COP1: variants seen among roughly 807,000 people sequenced by gnomAD.
The protein encoded by COP1 is E3 ubiquitin-protein ligase COP1.
COP1 carries 24 observed loss-of-function variants against 101.3 expected under a neutral mutation model. The ratio of observed to expected loss-of-function variants is 0.24; its 90% CI spans 0.17 to 0.33. The LOEUF is 0.33. Ranked by LOEUF, COP1 falls within the 10% of genes least tolerant of loss-of-function variation. COP1 has a pLI of 1.00. For synonymous variants in COP1, 347 were observed against 341.9 expected (o/e 1.01, Z -0.17); for missense variants, 663 against 906.2 (o/e 0.73, Z 3.45).
chr1:176,201,771 G>A (rs1478037343), intron 1 of COP1, among the ~76,000 whole-genome samples: 1 of 152,130 alleles, frequency 6.6e-6, no homozygotes, highest in Non-Finnish European at 1.5e-5. Context: ...AGTACCAATA[G>A]GTCTGATAAA....
chr1:175,998,057 T>A (rs1571522234), intron 15 of COP1, among the ~76,000 whole-genome samples: 23 of 74,560 alleles, frequency 3.1e-4, no homozygotes, highest in South Asian at 5.3e-4. Context: ...AAACTTAGAG[T>A]ATAATTAAAA....
At chr1:176,177,979 A>G (rs1227847463) in intron 2 of COP1, among the ~76,000 whole-genome samples, 1 of 152,166 alleles carries the variant, frequency 6.6e-6, no homozygotes, top group African/African-American at 2.4e-5. Context: ...CGGATATGCA[A>G]ATATCTACTG....
At chr1:175,999,560 C>A (rs148112704) in intron 15 of COP1, among the ~76,000 whole-genome samples, 5 of 151,988 alleles carry the variant, frequency 3.3e-5, no homozygotes, top group Admixed American at 2.0e-4. Context: ...CGAACAGTGC[C>A]GCAAAAAACA....
At chr1:176,145,241 G>A (rs892820225) in intron 6 of COP1, among the ~76,000 whole-genome samples, 1 of 151,984 alleles carries the variant, frequency 6.6e-6, no homozygotes, top group Non-Finnish European at 1.5e-5. Flanking sequence ...AATCAATGTA[G>A]TACTAGGTGC....
intron 18 of COP1, among the ~76,000 whole-genome samples, chr1:175,972,681 G>A (rs370982543): frequency 6.6e-6 from 1 of 151,854 alleles, no homozygotes; most frequent in South Asian, 2.1e-4. Context: ...GGCCAGGCTG[G>A]TCTCAAATCC....
At chr1:175,957,012 A>G (rs1650736679) in intron 18 of COP1, among the ~76,000 whole-genome samples, 1 of 152,192 alleles carries the variant, frequency 6.6e-6, no homozygotes, top group African/African-American at 2.4e-5. Flanking sequence ...ATAAGGAAAA[A>G]TCTGTACAGC....
chr1:176,103,562 T>A (rs1458258020), intron 9 of COP1, among the ~76,000 whole-genome samples: 1 of 152,124 alleles, frequency 6.6e-6, no homozygotes, highest in African/African-American at 2.4e-5. Flanking sequence ...AATCTGAAAA[T>A]CCAAAGTCCA....
intron 15 of COP1, among the ~76,000 whole-genome samples, chr1:176,017,925 C>T (rs546126169): frequency 6.6e-6 from 1 of 152,314 alleles, no homozygotes; most frequent in South Asian, 2.1e-4. Flanking sequence ...AAGAAAGCTA[C>T]TCTTTGACAA....
At chr1:176,103,116 G>GCCC (rs1683690890) in intron 9 of COP1, among the ~76,000 whole-genome samples, 2 of 152,220 alleles carry the variant, frequency 1.3e-5, no homozygotes, top group Non-Finnish European at 2.9e-5. Context: ...GGCAGTGGGG[G>GCCC]AAGGGGAACC....
chr1:175,946,975 TTAA>T (rs143636485), intron 19 of COP1, among the ~76,000 whole-genome samples: 191 of 152,348 alleles, frequency 1.3e-3, no homozygotes, highest in Non-Finnish European at 2.0e-3. Context: ...TGACCATCTA[TTAA>T]TCCATCCAGC....
chr1:176,046,390 C>T (rs1258185449), intron 11 of COP1, 66 bp from the exon 12 acceptor site: 6 of 1,472,640 alleles, frequency 4.1e-6, no homozygotes, highest in Admixed American at 2.1e-5. Context: ...TAAAGTAATT[C>T]GGTCTACAAG....
At chr1:176,140,190 C>T (rs1209173854) in intron 6 of COP1, among the ~76,000 whole-genome samples, 1 of 151,998 alleles carries the variant, frequency 6.6e-6, no homozygotes, top group East Asian at 1.9e-4. Context: ...GATCATATAC[C>T]TATTGTTACA....
intron 15 of COP1, among the ~76,000 whole-genome samples, chr1:176,019,767 G>A (rs1046373315): frequency 6.0e-5 from 9 of 150,384 alleles, no homozygotes; most frequent in East Asian, 2.0e-4. Context: ...AGGCTGAGGC[G>A]GGAGAGTCAC....
chr1:176,073,568 C>G (rs1293035549), intron 11 of COP1, among the ~76,000 whole-genome samples: 2 of 152,154 alleles, frequency 1.3e-5, no homozygotes, highest in African/African-American at 4.8e-5. Flanking sequence ...GCTATTATTG[C>G]TGTGTGTAAA....
chr1:175,949,415 A>G (rs1649602787), intron 18 of COP1, among the ~76,000 whole-genome samples: 2 of 152,076 alleles, frequency 1.3e-5, no homozygotes, highest in African/African-American at 4.8e-5. Flanking sequence ...ATAATAACTT[A>G]CCCTGAGTTG....
intron 18 of COP1, among the ~76,000 whole-genome samples, chr1:175,982,107 A>G (rs1465617248): frequency 6.6e-6 from 1 of 152,180 alleles, no homozygotes; most frequent in Non-Finnish European, 1.5e-5. Context: ...TATGGAAAAT[A>G]ATATGGAGGT....
intron 6 of COP1, among the ~76,000 whole-genome samples, chr1:176,147,213 G>A (rs1435217180): frequency 2.0e-5 from 3 of 152,022 alleles, no homozygotes; most frequent in Non-Finnish European, 2.9e-5. Flanking sequence ...GATTAAACAC[G>A]CAAATAGACT....
intron 11 of COP1, among the ~76,000 whole-genome samples, chr1:176,071,498 T>C (rs1230080054): frequency 6.6e-6 from 1 of 152,154 alleles, no homozygotes; most frequent in Non-Finnish European, 1.5e-5. Flanking sequence ...CTCTCAGCAC[T>C]TAAACTGTTT....
intron 15 of COP1, among the ~76,000 whole-genome samples, chr1:175,995,531 T>C (rs1659918068): frequency 6.6e-6 from 1 of 151,520 alleles, no homozygotes; most frequent in East Asian, 1.9e-4. Flanking sequence ...GAGAGAAGAA[T>C]CAAATAGATG....
Sources: gnomAD v4.1 joint callset for allele counts (sites outside exome capture counted in the v4.1 genomes callset) on GRCh38, gnomAD v4.1.1 for gene constraint, MANE v1.5 for transcripts, NCBI Gene and HGNC (gene_info 2026-07-23, HGNC 2026-07-21) for gene names.